The following ZNF407 variants were observed in gnomAD, a reference collection of about 807,000 sequenced individuals.
ZNF407 encodes zinc finger protein 407.
A neutral mutation model predicts 131.2 loss-of-function variants in ZNF407; 17 were observed. The observed-to-expected ratio is 0.13, with a 90% CI of 0.09 to 0.19. ZNF407 has a LOEUF of 0.19. Ranked by LOEUF, ZNF407 falls within the 10% of genes least tolerant of loss-of-function variation. The probability of loss-of-function intolerance (pLI) is 1.00; values close to 1 mark genes in which losing one functional copy is unlikely to be tolerated. For synonymous variants in ZNF407, 1,156 were observed against 1,062.0 expected (o/e 1.09, Z -1.72); for missense variants, 2,681 against 2,830.6 (o/e 0.95, Z 1.20).
chr18:74,633,107 A>T lies in ZNF407; in HGVS notation c.2088A>T (p.Glu696Asp), dbSNP rs1303221092. The T allele has an allele frequency of 6.2e-7, 1 of 1,613,656 alleles. No homozygotes were observed. Among genetic ancestry groups the T allele is most frequent in the Non-Finnish European group, 8.5e-7 (1 of 1,179,826 alleles). The change falls in exon 2 of 9, where the codon GAA becomes GAT. Residue 696 changes from glutamate (E) to aspartate (D), a missense_variant. Glu to Asp is a conservative substitution (Grantham distance 45). Coordinates refer to ENST00000299687, the MANE Select transcript of ZNF407 (RefSeq NM_017757.3). ...AGTCCAGGGTAAGCCATGGTAATGA[A>T]GTGAGGCATTCCAGTAAGCCTCAGT... is the stretch of plus-strand genomic sequence containing the variant. ...PLKSRVSHGNEVRHSSKPQFQ... is the reference protein window; with the variant it reads ...PLKSRVSHGNDVRHSSKPQFQ...
At position 75,064,269 on chromosome 18, in the gene ZNF407, C is replaced by T. The variant is rs759543625; in HGVS notation, c.6548C>T (p.Pro2183Leu). ...CTGCCCCCAGGGGTGCAGGACGAGCCGGGCCTGTACTCCCACACCGTGCTG... is the reference window on the plus strand; with the variant it reads ...CTGCCCCCAGGGGTGCAGGACGAGCTGGGCCTGTACTCCCACACCGTGCTG... The part of the protein sequence containing the change: ...TELPPGVQDE[P>L]GLYSHTVLET... Residue 2183 changes from proline to leucine, a missense_variant, in exon 9 of 9, where the codon CCG becomes CTG. Pro to Leu is a moderately conservative substitution (Grantham distance 98). Transcript: ENST00000299687. 9.3e-6 allele frequency: 15 copies of T among 1,604,440 alleles called. No homozygotes were observed. Among genetic ancestry groups the T allele is most frequent in the South Asian group, 5.5e-5 (5 of 90,144 alleles).
chr18:74,747,833 A>G (rs1357878566), intron 3 of ZNF407, among the ~76,000 whole-genome samples: 1 of 152,256 alleles, frequency 6.6e-6, no homozygotes, highest in African/African-American at 2.4e-5. Context: ...GCAATGTATA[A>G]CACATATACT....
chr18:74,806,377 A>C (rs1277140471), intron 4 of ZNF407, among the ~76,000 whole-genome samples: 2 of 152,232 alleles, frequency 1.3e-5, no homozygotes, highest in Admixed American at 6.5e-5. Context: ...CCTGGTTGTA[A>C]TTCACCAATC....
chr18:74,734,327 T>A (rs1343140613), intron 3 of ZNF407, among the ~76,000 whole-genome samples: 1 of 152,214 alleles, frequency 6.6e-6, no homozygotes, highest in Non-Finnish European at 1.5e-5. Context: ...CTTGAAAAGG[T>A]AGACCTTGTA....
At chr18:74,640,254 CTTATT>C (rs1984649250) in intron 2 of ZNF407, among the ~76,000 whole-genome samples, 1 of 151,980 alleles carries the variant, frequency 6.6e-6, no homozygotes, top group African/African-American at 2.4e-5. Flanking sequence ...TTGAAATAAT[CTTATT>C]TTCTCATTTT....
intron 3 of ZNF407, among the ~76,000 whole-genome samples, chr18:74,740,201 A>G (rs535260544): frequency 6.6e-6 from 1 of 152,146 alleles, no homozygotes; most frequent in Non-Finnish European, 1.5e-5. Context: ...GGCTGACAGC[A>G]TTCCCTGGTT....
intron 8 of ZNF407, among the ~76,000 whole-genome samples, chr18:74,924,481 T>C (rs2145247061): frequency 6.6e-6 from 1 of 152,328 alleles, no homozygotes; most frequent in African/African-American, 2.4e-5. Context: ...CAATTTTTCT[T>C]CTATTTAGTA....
intron 4 of ZNF407, among the ~76,000 whole-genome samples, chr18:74,849,637 T>G (rs1366668191): frequency 1.3e-5 from 2 of 152,126 alleles, no homozygotes; most frequent in Non-Finnish European, 2.9e-5. Flanking sequence ...TGCTCTTCAG[T>G]CTTTAGTGCA....
chr18:75,026,126 TAAGTC>T (rs72335372), intron 8 of ZNF407, among the ~76,000 whole-genome samples: 21,919 of 152,126 alleles, frequency 0.14, 1,770 homozygotes, highest in Admixed American at 0.26. Flanking sequence ...AATATTCTGT[TAAGTC>T]AAGAGACGAC....
At chr18:74,912,815 C>G (rs765712042) in intron 7 of ZNF407, among the ~76,000 whole-genome samples, 2 of 152,142 alleles carry the variant, frequency 1.3e-5, no homozygotes, top group Non-Finnish European at 2.9e-5. Flanking sequence ...AAGTCTGCAA[C>G]TTCTGTCCTA....
chr18:75,046,019 G>GAAA (rs1403270524), intron 8 of ZNF407, among the ~76,000 whole-genome samples: 7 of 152,116 alleles, frequency 4.6e-5, no homozygotes, highest in African/African-American at 1.7e-4. Flanking sequence ...GGCTTCTTTT[G>GAAA]AGGATTCTGA....
chr18:75,060,660 C>T (rs533053687), intron 8 of ZNF407, among the ~76,000 whole-genome samples: 40 of 152,098 alleles, frequency 2.6e-4, no homozygotes, highest in Admixed American at 7.2e-4. Context: ...CACCCGCCAC[C>T]GCGCCCGGCT....
chr18:74,717,358 A>G (rs540450263), intron 3 of ZNF407, among the ~76,000 whole-genome samples: 7 of 152,162 alleles, frequency 4.6e-5, no homozygotes, highest in Non-Finnish European at 8.8e-5. Flanking sequence ...TTTCTCTGCA[A>G]ATACTGTAAT....
At chr18:74,718,207 C>T (rs182572023) in intron 3 of ZNF407, among the ~76,000 whole-genome samples, 8 of 149,542 alleles carry the variant, frequency 5.3e-5, no homozygotes, top group South Asian at 4.2e-4. Flanking sequence ...TTTTTGCAGC[C>T]CCCCCCCTCC....
chr18:74,624,551 G>C (rs745580644), intron 1 of ZNF407, among the ~76,000 whole-genome samples: 1 of 152,182 alleles, frequency 6.6e-6, no homozygotes, highest in East Asian at 1.9e-4. Context: ...TCTGCCTTCA[G>C]TATGTCTTGC....
intron 8 of ZNF407, among the ~76,000 whole-genome samples, chr18:74,925,138 T>C (rs1426734475): frequency 6.6e-6 from 1 of 152,244 alleles, no homozygotes; most frequent in Admixed American, 6.5e-5. Flanking sequence ...TCTACCCTCA[T>C]ACTTTTGTAT....
At chr18:74,716,241 T>TG (rs1967891605) in intron 3 of ZNF407, among the ~76,000 whole-genome samples, 1 of 152,242 alleles carries the variant, frequency 6.6e-6, no homozygotes, top group African/African-American at 2.4e-5. Flanking sequence ...TTCATATTGT[T>TG]TCAGTTGCTC....
At chr18:74,725,547 A>G (rs902404024) in intron 3 of ZNF407, among the ~76,000 whole-genome samples, 7 of 152,122 alleles carry the variant, frequency 4.6e-5, no homozygotes, top group Non-Finnish European at 7.3e-5. Flanking sequence ...ACATCTTGTC[A>G]TCTGCCTTGC....
At chr18:74,740,302 T>C (rs576214236) in intron 3 of ZNF407, among the ~76,000 whole-genome samples, 9 of 152,348 alleles carry the variant, frequency 5.9e-5, no homozygotes, top group African/African-American at 2.2e-4. Context: ...AGGACTCTTA[T>C]GACTGCATTT....
Sources: gnomAD v4.1 joint callset for allele counts (sites outside exome capture counted in the v4.1 genomes callset) on GRCh38, gnomAD v4.1.1 for gene constraint, MANE v1.5 for transcripts, NCBI Gene and HGNC (gene_info 2026-07-23, HGNC 2026-07-21) for gene names.